Variants in DENND4B observed in about 807,000 individuals in gnomAD.
DENND4B encodes the protein DENN domain containing 4B, also known as DENN domain-containing protein 4B.
DENND4B carries 67 observed loss-of-function variants against 161.0 expected under a neutral mutation model. That is an observed-to-expected ratio of 0.42 (90% CI 0.34 to 0.51). The LOEUF (loss-of-function observed/expected upper bound fraction) is 0.51. Among genes scored for constraint, DENND4B ranks in the 20% least tolerant of loss-of-function variants. DENND4B has a pLI of 0.08. For missense variants in DENND4B, 1,481 were observed against 1,968.0 expected (o/e 0.75, Z 4.68); for synonymous variants, 753 against 813.8 (o/e 0.93, Z 1.27).
rs757117511 is a variant in DENND4B at position 153,934,189 on chromosome 1, T to C, written c.2887A>G (p.Ser963Gly). ...TGTGCCCCTCGGGCACTGCCCAGGC[T>C]ACCACTCTTCACCAGGCGTCCAGGG... ...SPPGRLVKSGSLGSARGAQPT... is the reference protein window; with the variant it reads ...SPPGRLVKSGGLGSARGAQPT... Residue 963 changes from serine (S) to glycine (G), a missense_variant, in exon 19 of 28, where the codon AGC becomes GGC. Ser to Gly is a moderately conservative substitution (Grantham distance 56, BLOSUM62 0). Transcript: ENST00000361217. This position sits in a 1 kb window ranked among gnomAD's most constrained non-coding sequence, Gnocchi z 5.3. The C allele has an allele frequency of 1.9e-6, 3 of 1,605,428 alleles. No individual in the cohort carries two copies. Among genetic ancestry groups the C allele is most frequent in the East Asian group, 4.5e-5 (2 of 44,708 alleles).
chr1:153,933,449 T>C lies in DENND4B; in HGVS notation c.3330+34A>G. On this transcript the variant is annotated intron_variant, in intron 20 of 27. Transcript: ENST00000361217. This position sits in a 1 kb window ranked among gnomAD's most constrained non-coding sequence, Gnocchi z 5.7. The stretch of plus-strand genomic sequence containing the variant: ...CGTAGCCCCTCCCCAAGCCCACTAA[T>C]GCTAAGGCATCTGGACCCTCCTTCA... 2 of 1,585,452 alleles carry C rather than the reference T, an allele frequency of 1.3e-6. No individual in the cohort carries two copies. The highest frequency in any genetic ancestry group is 1.7e-6 in the Non-Finnish European group (2 of 1,166,020).
In DENND4B at chr1:153,930,521, C is replaced by T. The variant is rs375119207; in HGVS notation, c.4345+18G>A. 7.6e-5 allele frequency: 123 copies of T among 1,613,924 alleles called. No homozygotes were observed. Among genetic ancestry groups the T allele is most frequent in the Non-Finnish European group, 9.8e-5 (116 of 1,179,900 alleles). On this transcript the variant is annotated intron_variant, in intron 27 of 27. Coordinates refer to ENST00000361217, the MANE Select transcript of DENND4B (RefSeq NM_014856.3). This position sits in a 1 kb window ranked among gnomAD's most constrained non-coding sequence, Gnocchi z 4.7. Reference sequence around the variant, plus strand: ...CCCCAGATCCCTAAACTCCTCAGCCCCTTGCCTGCAATCTCACCTATGTCC... The same window carrying T: ...CCCCAGATCCCTAAACTCCTCAGCCTCTTGCCTGCAATCTCACCTATGTCC...
rs1433048896 is a variant in DENND4B, at chr1:153,942,819, A to C, written c.570+59T>G. 2.6e-6 allele frequency: 4 copies of C among 1,541,980 alleles called. No homozygotes were observed. The highest frequency in any genetic ancestry group is 4.6e-5 in the East Asian group (2 of 43,886). ...TGGTCCTGGGATGCCCTTTGTTCCC[A>C]GTGTCCACACCCACTCTTACACCAA... On this transcript the variant is annotated intron_variant, in intron 3 of 27. Coordinates refer to ENST00000361217, the MANE Select transcript of DENND4B (RefSeq NM_014856.3). This position sits in a 1 kb window ranked among gnomAD's most constrained non-coding sequence, Gnocchi z 6.9.
chr1:153,934,079 G>C lies in DENND4B; in HGVS notation c.2941+56C>G. On this transcript the variant is annotated intron_variant, in intron 19 of 27. Transcript: ENST00000361217. The surrounding 1 kb of genome is among the most constrained non-coding windows in gnomAD (Gnocchi z 5.3). ...GTTTCTGGTCTTCCCCACCTCACTA[G>C]CAAGTGGTTAGGAAAGCTGACTGGG... is the stretch of plus-strand genomic sequence containing the variant. 6.7e-7 allele frequency: 1 copy of C among 1,491,246 alleles called. No homozygotes were observed. The highest frequency in any genetic ancestry group is 8.9e-7 in the Non-Finnish European group (1 of 1,124,226). 92.4% of individuals were successfully genotyped at this position (1,491,246 alleles called of 1,614,324 possible).
At position 153,937,664 on chromosome 1, in the gene DENND4B, C is replaced by A. The variant is rs747463560; in HGVS notation, c.2106-50G>T. 2 of 1,612,488 alleles carry A rather than the reference C, an allele frequency of 1.2e-6. No individual in the cohort carries two copies. Among genetic ancestry groups the A allele is most frequent in the Non-Finnish European group, 1.7e-6 (2 of 1,178,806 alleles). Reference sequence around the variant, plus strand: ...TCGGGGCAGTCAGCACAGGGCGAAGCGAGTTGGACTGGACCAGTCTATGGG... The same window carrying A: ...TCGGGGCAGTCAGCACAGGGCGAAGAGAGTTGGACTGGACCAGTCTATGGG... On this transcript the variant is annotated intron_variant, in intron 14 of 27. Coordinates refer to ENST00000361217, the MANE Select transcript of DENND4B (RefSeq NM_014856.3). The surrounding 1 kb of genome is among the most constrained non-coding windows in gnomAD (Gnocchi z 4.7).
chr1:153,931,289 A>C (rs1466989372), intron 24 of DENND4B, among the ~76,000 whole-genome samples: 1 of 152,142 alleles, frequency 6.6e-6, no homozygotes, highest in African/African-American at 2.4e-5. Flanking sequence ...GGAACATAAA[A>C]AGCACTCAAT....
rs758792529 is a variant in DENND4B at position 153,939,679 on chromosome 1, G to A, written c.1729C>T (p.Leu577=). ...AGGAAGACCCGGTAGCCCTTGAGCA[G>A]ACAGGCCATGAAGCGGAGGAAGGCT... ...QGAFLRFMAC[L]LKGYRVFLRP... Residue 577 remains leucine, a synonymous_variant, in exon 12 of 28, where the codon CTG becomes TTG. Coordinates refer to ENST00000361217, the MANE Select transcript of DENND4B (RefSeq NM_014856.3). 1.2e-6 allele frequency: 2 copies of A among 1,613,980 alleles called. No individual in the cohort carries two copies. The highest frequency in any genetic ancestry group is 1.7e-5 in the Admixed American group (1 of 60,022).
chr1:153,945,984 G>C (rs2102084105), intron 1 of DENND4B, among the ~76,000 whole-genome samples: 1 of 152,360 alleles, frequency 6.6e-6, no homozygotes, highest in South Asian at 2.1e-4. Context: ...GGAAGGAGCA[G>C]GAGGGCAGAG....
Position 153,930,846 on chromosome 1 carries a change from G to T in DENND4B, c.4126C>A (p.Gln1376Lys), listed in dbSNP as rs1303091150. The change falls in exon 26 of 28, where the codon CAG (glutamine) becomes AAG (lysine). Residue 1376 changes from glutamine to lysine, a missense_variant. Around this residue, in one of 3 missense-constraint regions of DENND4B, gnomAD observed 336 missense variants for 503.3 expected, o/e 0.67. Coordinates refer to ENST00000361217, the MANE Select transcript of DENND4B (RefSeq NM_014856.3). The surrounding 1 kb of genome is among the most constrained non-coding windows in gnomAD (Gnocchi z 4.7). ...VLWRVHSQIP[Q>K]RVVWPGPVPA... ...ACAGGGCCTGGCCATACCACCCGCT[G>T]GGGGATCTGGCCTGGATGAAAGGAA... 1 of 1,598,320 alleles carries T rather than the reference G, an allele frequency of 6.3e-7. No individual in the cohort carries two copies. Among genetic ancestry groups the T allele is most frequent in the East Asian group, 2.3e-5 (1 of 44,386 alleles).
intron 13 of DENND4B, 24 bp downstream of exon 13, chr1:153,938,876 G>T: frequency 6.4e-7 from 1 of 1,565,700 alleles, no homozygotes; most frequent in South Asian, 1.2e-5. Flanking sequence ...AGAGGCCAAT[G>T]AGCACATAGA....
rs375088543 is a variant in DENND4B at position 153,934,830 on chromosome 1, T to TGCTGCTGCTGC, written c.2702_2703insGCAGCAGCAGC (p.Gln905HisfsTer48). ...GCTGCTGCTGCTGCTGCTGCTGCTG[T>TGCTGCTGCTGC]TGCTGCTGCTGCTGCTGTTGCCGTT... On this transcript the variant is annotated frameshift_variant, in exon 18 of 28. Transcript: ENST00000361217. LOFTEE classifies it high-confidence loss of function. The surrounding 1 kb of genome is among the most constrained non-coding windows in gnomAD (Gnocchi z 5.3). 8.6e-5 allele frequency: 110 copies of TGCTGCTGCTGC among 1,285,066 alleles called. No individual in the cohort carries two copies. The highest frequency in any genetic ancestry group is 7.5e-4 in the East Asian group (31 of 41,314). The allele number at this position is 1,285,066 out of a possible 1,614,324, so 79.6% of individuals were successfully genotyped here.
rs755848120 is a variant in DENND4B at position 153,933,053 on chromosome 1, A to G, written c.3454-23T>C. 82 of 1,611,470 alleles carry G rather than the reference A, an allele frequency of 5.1e-5. No homozygotes were observed. Among genetic ancestry groups the G allele is most frequent in the Admixed American group, 3.3e-4 (20 of 59,962 alleles). ...AATCTGTGGGCAGGGAGAGTCGGGA[A>G]GTAGGTGCTGTCTGGCCGCCAGCAC... On this transcript the variant is annotated intron_variant, in intron 21 of 27. Transcript: ENST00000361217. The surrounding 1 kb of genome is among the most constrained non-coding windows in gnomAD (Gnocchi z 5.7).
rs981110521 is a variant in DENND4B at position 153,936,400 on chromosome 1, G to A, written c.2439+142C>T. 78 of 1,150,790 alleles carry A rather than the reference G, an allele frequency of 6.8e-5. No individual in the cohort carries two copies. Among genetic ancestry groups the A allele is most frequent in the South Asian group, 1.6e-4 (10 of 62,370 alleles). 71.3% of individuals were successfully genotyped at this position (1,150,790 alleles called of 1,614,324 possible). ...CCCTGAACATGCTTATTCACTCGAC[G>A]AATGTTTATAGATAATCTGCCCAGC... is the stretch of plus-strand genomic sequence containing the variant. On this transcript the variant is annotated intron_variant, in intron 16 of 27. Transcript: ENST00000361217. The surrounding 1 kb of genome is among the most constrained non-coding windows in gnomAD (Gnocchi z 4.1).
Position 153,930,838 on chromosome 1 carries a change from C to A in DENND4B, c.4134G>T (p.Val1378=). 1 of 1,599,952 alleles carries A rather than the reference C, an allele frequency of 6.3e-7. No individual in the cohort carries two copies. Among genetic ancestry groups the A allele is most frequent in the African/African-American group, 1.3e-5 (1 of 74,770 alleles). Residue 1378 remains valine, a synonymous_variant, in exon 26 of 28, where the codon GTG becomes GTT. Transcript: ENST00000361217. The surrounding 1 kb of genome is among the most constrained non-coding windows in gnomAD (Gnocchi z 4.7). The part of the protein sequence containing the change: ...WRVHSQIPQR[V]VWPGPVPASL... ...ATGCAGGTACAGGGCCTGGCCATACCACCCGCTGGGGGATCTGGCCTGGAT... is the reference window on the plus strand; with the variant it reads ...ATGCAGGTACAGGGCCTGGCCATACAACCCGCTGGGGGATCTGGCCTGGAT...
Position 153,936,300 on chromosome 1 carries a change from G to A in DENND4B, c.2440-112C>T. The A allele has an allele frequency of 6.8e-7, 1 of 1,462,856 alleles. No homozygotes were observed. Among genetic ancestry groups the A allele is most frequent in the Non-Finnish European group, 9.2e-7 (1 of 1,086,954 alleles). The allele number at this position is 1,462,856 out of a possible 1,614,324, so 90.6% of individuals were successfully genotyped here. ...ATTCTCACAGACATCACTGGCCCCTGGCAGGTCCTGGGGCTACCTCAGAGC... is the reference window on the plus strand; with the variant it reads ...ATTCTCACAGACATCACTGGCCCCTAGCAGGTCCTGGGGCTACCTCAGAGC... On this transcript the variant is annotated intron_variant, in intron 16 of 27. Transcript: ENST00000361217. This position sits in a 1 kb window ranked among gnomAD's most constrained non-coding sequence, Gnocchi z 4.1.
chr1:153,940,824 G>C lies in DENND4B; in HGVS notation c.1326+80C>G. ...GAGGATCCTCCACAAGGAAGGAAAA[G>C]GGAAGAGTCCAGGCAGGGATAGGGG... On this transcript the variant is annotated intron_variant, in intron 9 of 27. Coordinates refer to ENST00000361217, the MANE Select transcript of DENND4B (RefSeq NM_014856.3). This position sits in a 1 kb window ranked among gnomAD's most constrained non-coding sequence, Gnocchi z 5.6. 2 of 1,500,260 alleles carry C rather than the reference G, an allele frequency of 1.3e-6. No homozygotes were observed. Among genetic ancestry groups the C allele is most frequent in the Non-Finnish European group, 1.8e-6 (2 of 1,128,620 alleles). 92.9% of individuals were successfully genotyped at this position (1,500,260 alleles called of 1,614,324 possible).
chr1:153,935,912 C>G, intron 17 of DENND4B, 148 bp downstream of exon 17: 2 of 1,001,240 alleles, frequency 2.0e-6, no homozygotes, highest in Non-Finnish European at 2.9e-6. Context: ...TGCTAAGGCA[C>G]CACAGGAGTG....
Position 153,944,180 on chromosome 1 carries a change from G to A in DENND4B, c.195C>T (p.Tyr65=). The A allele has an allele frequency of 6.2e-7, 1 of 1,612,784 alleles. No homozygotes were observed. Among genetic ancestry groups the A allele is most frequent in the Non-Finnish European group, 8.5e-7 (1 of 1,179,424 alleles). ...RALGEEVPQG[Y]TCIQASAGGH... Reference sequence around the variant, plus strand: ...CCCCAGCAGAAGCCTGGATGCATGTGTAGCCCTGGGGCACTTCCTCGCCCA... The same window carrying A: ...CCCCAGCAGAAGCCTGGATGCATGTATAGCCCTGGGGCACTTCCTCGCCCA... The change falls in exon 2 of 28, where the codon TAC becomes TAT. Residue 65 remains tyrosine, a synonymous_variant. Coordinates refer to ENST00000361217, the MANE Select transcript of DENND4B (RefSeq NM_014856.3). This position sits in a 1 kb window ranked among gnomAD's most constrained non-coding sequence, Gnocchi z 4.8.
chr1:153,934,817 G>C lies in DENND4B; in HGVS notation c.2716C>G (p.Gln906Glu). ...QQQQQQQQQQ[Q>E]QQQQEQVSAH... ...GACACCTGCTCCTGCTGCTGCTGCT[G>C]CTGCTGCTGCTGTTGCTGCTGCTGC... Residue 906 changes from glutamine (Q) to glutamate (E), a missense_variant, in exon 18 of 28, where the codon CAG (glutamine) becomes GAG (glutamate). Coordinates refer to ENST00000361217, the MANE Select transcript of DENND4B (RefSeq NM_014856.3). This position sits in a 1 kb window ranked among gnomAD's most constrained non-coding sequence, Gnocchi z 5.3. The C allele has an allele frequency of 6.4e-7, 1 of 1,558,988 alleles. No individual in the cohort carries two copies. Among genetic ancestry groups the C allele is most frequent in the Non-Finnish European group, 8.7e-7 (1 of 1,143,512 alleles).
Sources: allele counts gnomAD v4.1 joint callset (sites outside exome capture counted in the v4.1 genomes callset), GRCh38; gene constraint gnomAD v4.1.1; regional missense constraint gnomAD v4.1.1; non-coding constraint Gnocchi (gnomAD v3.1); transcripts MANE v1.5; gene names NCBI Gene and HGNC (gene_info 2026-07-23, HGNC 2026-07-21).